ROBO1: variants seen among roughly 807,000 people sequenced by gnomAD.
ROBO1 encodes the protein roundabout homolog 1.
ROBO1 carries 149 observed loss-of-function variants against 195.9 expected under a neutral mutation model. The observed-to-expected ratio is 0.76, with a 90% CI of 0.67 to 0.87. The LOEUF is 0.87. Ranked by LOEUF, ROBO1 falls within the 40% of genes least tolerant of loss-of-function variation. ROBO1 has a pLI of 0.00. For synonymous variants in ROBO1, 816 were observed against 733.2 expected, an observed-to-expected ratio of 1.11 and a Z score of -1.82; for missense variants, 1,933 against 2,068.3, an observed-to-expected ratio of 0.93 and a Z score of 1.27.
intron 2 of ROBO1, among the ~76,000 whole-genome samples, chr3:79,158,256 T>G (rs564562914): frequency 1.1e-3 from 163 of 151,482 alleles, no homozygotes; most frequent in Non-Finnish European, 1.9e-3. Context: ...ATTTGTAAAA[T>G]GTCCCATTGA....
chr3:79,148,462 G>A (rs1263522909), intron 2 of ROBO1, among the ~76,000 whole-genome samples: 1 of 151,718 alleles, frequency 6.6e-6, no homozygotes, highest in Admixed American at 6.6e-5. Context: ...AATGAAAAAA[G>A]TACTAGCAGT....
At chr3:78,912,961 T>G (rs1332182521) in intron 4 of ROBO1, among the ~76,000 whole-genome samples, 2 of 152,122 alleles carry the variant, frequency 1.3e-5, no homozygotes, top group Non-Finnish European at 2.9e-5. Context: ...AACAAAACAA[T>G]TATATTGTTG....
intron 1 of ROBO1, among the ~76,000 whole-genome samples, chr3:79,694,040 T>TGTAA (rs759916217): frequency 5.3e-5 from 8 of 151,732 alleles, no homozygotes; most frequent in Non-Finnish European, 1.0e-4. Flanking sequence ...AATAGAGGCC[T>TGTAA]AATACTGGAT....
chr3:79,416,208 G>A (rs937950286), intron 2 of ROBO1, among the ~76,000 whole-genome samples: 6 of 152,024 alleles, frequency 3.9e-5, no homozygotes, highest in Admixed American at 3.3e-4. Flanking sequence ...AGAAGTAAGA[G>A]TTGTTAACTA....
chr3:79,503,774 A>G (rs1446504370), intron 2 of ROBO1, among the ~76,000 whole-genome samples: 1 of 152,150 alleles, frequency 6.6e-6, no homozygotes, highest in Non-Finnish European at 1.5e-5. Context: ...TTCCCATTGT[A>G]TTTTAAGACA....
At chr3:79,431,408 C>A (rs1191313760) in intron 2 of ROBO1, among the ~76,000 whole-genome samples, 1 of 152,088 alleles carries the variant, frequency 6.6e-6, no homozygotes, top group Non-Finnish European at 1.5e-5. Flanking sequence ...TGGCTGCAGT[C>A]CCTCCAGCAA....
intron 2 of ROBO1, among the ~76,000 whole-genome samples, chr3:79,267,540 T>G (rs943713976): frequency 6.6e-6 from 1 of 150,648 alleles, no homozygotes; most frequent in African/African-American, 2.4e-5. Flanking sequence ...GTGTTTTAAA[T>G]CTATCTCTTT....
chr3:79,398,988 G>A (rs1277140991), intron 2 of ROBO1, among the ~76,000 whole-genome samples: 1 of 151,816 alleles, frequency 6.6e-6, no homozygotes, highest in African/African-American at 2.4e-5. Flanking sequence ...GTGAATGCCT[G>A]TCTTAAGGGG....
At chr3:79,280,451 C>A (rs2031419613) in intron 2 of ROBO1, among the ~76,000 whole-genome samples, 1 of 152,086 alleles carries the variant, frequency 6.6e-6, no homozygotes, top group African/African-American at 2.4e-5. Context: ...TTTCCAGACC[C>A]ACAGGACAAA....
chr3:79,591,491 C>T (rs1281374122), intron 1 of ROBO1, among the ~76,000 whole-genome samples: 4 of 151,802 alleles, frequency 2.6e-5, no homozygotes, highest in Non-Finnish European at 5.9e-5. Flanking sequence ...TAGAAACTTG[C>T]CTCAAAGAAT....
At chr3:79,081,861 A>G (rs1370256123) in intron 3 of ROBO1, among the ~76,000 whole-genome samples, 3 of 152,206 alleles carry the variant, frequency 2.0e-5, no homozygotes, top group East Asian at 1.9e-4. Context: ...AAGAAAATTT[A>G]TAATACTTAA....
At chr3:78,921,603 A>G (rs1056507042) in intron 4 of ROBO1, among the ~76,000 whole-genome samples, 4 of 152,168 alleles carry the variant, frequency 2.6e-5, no homozygotes, top group Non-Finnish European at 5.9e-5. Context: ...AGTAACAAGC[A>G]TTTTTCAAAA....
chr3:79,613,708 A>G (rs1944734992), intron 1 of ROBO1, among the ~76,000 whole-genome samples: 1 of 152,096 alleles, frequency 6.6e-6, no homozygotes, highest in Non-Finnish European at 1.5e-5. Flanking sequence ...AAAGTCCCAG[A>G]GAGGGAATTC....
intron 3 of ROBO1, among the ~76,000 whole-genome samples, chr3:79,105,209 G>A (rs545601611): frequency 8.4e-4 from 127 of 151,664 alleles, no homozygotes; most frequent in Non-Finnish European, 1.6e-3. Flanking sequence ...AACTACTAAC[G>A]GAAAAAGATA....
intron 3 of ROBO1, among the ~76,000 whole-genome samples, chr3:79,014,222 CA>C (rs1265921688): frequency 6.6e-6 from 1 of 152,116 alleles, no homozygotes; most frequent in Non-Finnish European, 1.5e-5. Context: ...GTAATCCCAG[CA>C]CTTTGGGAGG....
At chr3:78,633,871 C>T in intron 24 of ROBO1, 64 bp downstream of exon 24, 1 of 1,104,134 alleles carries the variant, frequency 9.1e-7, no homozygotes, top group Non-Finnish European at 1.4e-6. Flanking sequence ...CATTAGCACT[C>T]AATTTGTAAT....
chr3:79,338,807 C>A (rs918584579), intron 2 of ROBO1, among the ~76,000 whole-genome samples: 1 of 152,112 alleles, frequency 6.6e-6, no homozygotes, highest in Non-Finnish European at 1.5e-5. Context: ...TGATGGTTCT[C>A]AAATGTATAT....
intron 2 of ROBO1, among the ~76,000 whole-genome samples, chr3:79,536,931 A>G (rs1267224572): frequency 1.3e-5 from 2 of 152,126 alleles, no homozygotes; most frequent in East Asian, 3.9e-4. Context: ...CAGGGTTGCT[A>G]TGGGATCTAG....
intron 1 of ROBO1, among the ~76,000 whole-genome samples, chr3:79,637,572 A>C (rs1334353488): frequency 6.6e-6 from 1 of 152,110 alleles, no homozygotes; most frequent in Non-Finnish European, 1.5e-5. Flanking sequence ...GTCATCCTTT[A>C]TGGTGATGTA....
Sources: gnomAD v4.1 joint callset for allele counts (sites outside exome capture counted in the v4.1 genomes callset) on GRCh38, gnomAD v4.1.1 for gene constraint, MANE v1.5 for transcripts, NCBI Gene and HGNC (gene_info 2026-07-23, HGNC 2026-07-21) for gene names.